Variants in ERCC3 observed in about 807,000 individuals in gnomAD.
The protein encoded by ERCC3 is general transcription and DNA repair factor IIH helicase/translocase subunit XPB.
In ERCC3, 66 loss-of-function variants were observed where a neutral mutation model predicts 94.2. The observed-to-expected ratio is 0.70, with a 90% CI of 0.57 to 0.86. The LOEUF (loss-of-function observed/expected upper bound fraction) is 0.86. Ranked by LOEUF, ERCC3 falls within the 40% of genes least tolerant of loss-of-function variation. The pLI is 0.00. For missense variants in ERCC3, 829 were observed against 987.1 expected, an observed-to-expected ratio of 0.84 and a Z score of 2.15; for synonymous variants, 349 against 369.1, an observed-to-expected ratio of 0.95 and a Z score of 0.63.
rs1389638645 is a variant in ERCC3, at chr2:127,280,691, A to G, written c.1343-60T>C. On this transcript the variant is annotated intron_variant, in intron 8 of 14. Transcript: ENST00000285398. This position sits in a 1 kb window ranked among gnomAD's most constrained non-coding sequence, Gnocchi z 6.3. ...TTTCTTTCTTATTTTTTATTTATTT[A>G]TTTTAAAATATTTTTTGTAGAGATG... 3.5e-6 allele frequency: 5 copies of G among 1,415,748 alleles called. No individual in the cohort carries two copies. In the African/African-American group the frequency reaches 7.2e-5, roughly 20 times the overall value. 87.7% of individuals were successfully genotyped at this position (1,415,748 alleles called of 1,614,324 possible).
In ERCC3 at chr2:127,289,368, T is replaced by C; in HGVS notation, c.791A>G (p.Glu264Gly). 1 of 1,593,772 alleles carries C rather than the reference T, an allele frequency of 6.3e-7. No individual in the cohort carries two copies. Among genetic ancestry groups the C allele is most frequent in the Non-Finnish European group, 8.6e-7 (1 of 1,163,464 alleles). Residue 264 changes from glutamate (E) to glycine (G), a missense_variant, in exon 6 of 15, where the codon GAG (glutamate) becomes GGG (glycine). Physicochemically the swap from Glu to Gly is moderately conservative, Grantham distance 98. Transcript: ENST00000285398. ...QMDKDEEEEE[E>G]TQTVSFEVKQ... ...GACTTCAAAAGACACTGTCTGTGTC[T>C]CTTCTTCTTCTTCTTCATCCTTGTC...
rs369771802 is a variant in ERCC3, at chr2:127,272,849, C to T, written c.1827+16G>A. The T allele has an allele frequency of 2.5e-6, 4 of 1,569,940 alleles. No individual in the cohort carries two copies. The highest frequency in any genetic ancestry group is 8.8e-7 in the Non-Finnish European group (1 of 1,139,978). ...AGTGCTAGGGGCCTCACCTCCACCC[C>T]ATATGCCACACAAACCTTGGATATG... is the stretch of plus-strand genomic sequence containing the variant. On this transcript the variant is annotated intron_variant, in intron 11 of 14. Transcript: ENST00000285398.
chr2:127,279,315 G>A lies in ERCC3; in HGVS notation c.1588C>T (p.Arg530Ter), dbSNP rs1302552127. 4 of 1,613,958 alleles carry A rather than the reference G, an allele frequency of 2.5e-6. No individual in the cohort carries two copies. Among genetic ancestry groups the A allele is most frequent in the South Asian group, 1.1e-5 (1 of 91,082 alleles). ...REYVAIKTKK[R>*]ILLYTMNPNK... ...GGGTTCATGGTGTACAGCAAGATTC[G>A]TTTCTTGGTTTTGATTGCCACATAT... is the stretch of plus-strand genomic sequence containing the variant. The change falls in exon 10 of 15, where the codon CGA (arginine) becomes TGA (stop). Residue 530 changes from arginine (R) to a stop codon, truncating the protein, a stop_gained. Coordinates refer to ENST00000285398, the MANE Select transcript of ERCC3 (RefSeq NM_000122.2). LOFTEE classifies it high-confidence loss of function. The surrounding 1 kb of genome is among the most constrained non-coding windows in gnomAD (Gnocchi z 4.7).
At chr2:127,287,133 A>G (rs540274942) in intron 7 of ERCC3, 116 bp from the exon 8 acceptor site, 267 of 774,136 alleles carry the variant, frequency 3.4e-4, no homozygotes, top group Non-Finnish European at 5.1e-4. Context: ...CAGTCCACAT[A>G]GCTGACATCT....
In ERCC3 at chr2:127,291,874, T is replaced by C. The variant is rs965805045; in HGVS notation, c.471+736A>G. ...CCTCATGGAACTTGTTGACTATTGG[T>C]CTCCTGCAGATACTTAGCTTTAGAC... On this transcript the variant is annotated intron_variant, in intron 3 of 14. Coordinates refer to ENST00000285398, the MANE Select transcript of ERCC3 (RefSeq NM_000122.2). This position sits in a 1 kb window ranked among gnomAD's most constrained non-coding sequence, Gnocchi z 4.9. 12 of 152,874 alleles carry C rather than the reference T, an allele frequency of 7.8e-5. No individual in the cohort carries two copies. The highest frequency in any genetic ancestry group is 2.7e-4 in the African/African-American group (11 of 41,458). The allele number at this position is 152,874 out of a possible 1,614,324, so 9.5% of individuals were successfully genotyped here.
Position 127,288,673 on chromosome 2 carries a change from A to T in ERCC3, c.1014T>A (p.Ile338=). ...GGTACCACTTACCGCAGGGAAGAAC[A>T]ATGACCCCCGAACGTGCACGCCCGT... ...FGNGRARSGV[I]VLPCGAGKSL... Residue 338 remains isoleucine, a synonymous_variant, in exon 7 of 15, where the codon ATT becomes ATA. Transcript: ENST00000285398. 1 of 1,614,090 alleles carries T rather than the reference A, an allele frequency of 6.2e-7. No individual in the cohort carries two copies. The highest frequency in any genetic ancestry group is 8.5e-7 in the Non-Finnish European group (1 of 1,179,958).
rs376892598 is a variant in ERCC3, at chr2:127,273,720, C to A, written c.1731-759G>T. On this transcript the variant is annotated intron_variant, in intron 10 of 14. Coordinates refer to ENST00000285398, the MANE Select transcript of ERCC3 (RefSeq NM_000122.2). The stretch of plus-strand genomic sequence containing the variant: ...GCCGAGATCGCGCCATTGCACTCCA[C>A]CCTGGGAAACAAGAGTGAAACTCTG... Among the ~76,000 whole-genome samples, 13 of 142,832 alleles carry A rather than the reference C, an allele frequency of 9.1e-5. No homozygotes were observed. The South Asian group carries it at 2.5e-3, about 27-fold the overall frequency. 93.7% of individuals were successfully genotyped at this position (142,832 alleles called of 152,430 possible).
rs1272534276 is a variant in ERCC3 at position 127,271,943 on chromosome 2, C to T, written c.1828-490G>A. On this transcript the variant is annotated intron_variant, in intron 11 of 14. Transcript: ENST00000285398. The surrounding 1 kb of genome is among the most constrained non-coding windows in gnomAD (Gnocchi z 5.0). ...CTGGGGCTCCAAACATCGAGGTTCC[C>T]AGCCACAGACATGAAGGTTTGGTGC... 2.0e-5 allele frequency among the ~76,000 whole-genome samples: 3 copies of T among 151,772 alleles called. No individual in the cohort carries two copies. The highest frequency in any genetic ancestry group is 7.3e-5 in the African/African-American group (3 of 41,278).
At position 127,279,090 on chromosome 2, in the gene ERCC3, A is replaced by G. The variant is rs1684826548; in HGVS notation, c.1730+83T>C. 1 of 968,174 alleles carries G rather than the reference A, an allele frequency of 1.0e-6. No homozygotes were observed. Among genetic ancestry groups the G allele is most frequent in the African/African-American group, 1.6e-5 (1 of 61,770 alleles). The allele number at this position is 968,174 out of a possible 1,614,324, so 60.0% of individuals were successfully genotyped here. ...AAGAAGTTCCTGAGAGAAAAACAAA[A>G]AAACAAAACAACAGCCACCTTCTGC... On this transcript the variant is annotated intron_variant, in intron 10 of 14. Transcript: ENST00000285398. The surrounding 1 kb of genome is among the most constrained non-coding windows in gnomAD (Gnocchi z 4.7).
At chr2:127,269,448 G>C (rs1684481014) in intron 12 of ERCC3, among the ~76,000 whole-genome samples, 1 of 137,836 alleles carries the variant, frequency 7.3e-6, no homozygotes, top group South Asian at 2.3e-4. Context: ...TTGAGATGGA[G>C]TCTTGCTCTG....
rs1174202345 is a variant in ERCC3 at position 127,277,487 on chromosome 2, C to T, written c.1730+1686G>A. Among the ~76,000 whole-genome samples, 1 of 152,032 alleles carries T rather than the reference C, an allele frequency of 6.6e-6. No individual in the cohort carries two copies. Among genetic ancestry groups the T allele is most frequent in the East Asian group, 1.9e-4 (1 of 5,164 alleles). Reference sequence around the variant, plus strand: ...CAGGCAGATCACGAGGTCAAGAGATCGAGACCATCCTGGCCAATATGGTGA... The same window carrying T: ...CAGGCAGATCACGAGGTCAAGAGATTGAGACCATCCTGGCCAATATGGTGA... On this transcript the variant is annotated intron_variant, in intron 10 of 14. Coordinates refer to ENST00000285398, the MANE Select transcript of ERCC3 (RefSeq NM_000122.2). This position sits in a 1 kb window ranked among gnomAD's most constrained non-coding sequence, Gnocchi z 5.1.
Position 127,292,797 on chromosome 2 carries a change from T to C in ERCC3, c.284A>G (p.Tyr95Cys). The C allele has an allele frequency of 1.2e-6, 2 of 1,613,902 alleles. No homozygotes were observed. Among genetic ancestry groups the C allele is most frequent in the Non-Finnish European group, 8.5e-7 (1 of 1,180,002 alleles). The change falls in exon 3 of 15, where the codon TAT becomes TGT. Residue 95 changes from tyrosine to cysteine, a missense_variant. Physicochemically the swap from Tyr to Cys is radical, Grantham distance 194. Coordinates refer to ENST00000285398, the MANE Select transcript of ERCC3 (RefSeq NM_000122.2). ...FLEAFSPVYK[Y>C]AQDFLVAIAE... ...AATAGCCACCAAGAAGTCTTGGGCA[T>C]ATTTGTAAACTGGAGAGAAGGCTTC...
chr2:127,280,920 A>C lies in ERCC3; in HGVS notation c.1343-289T>G, dbSNP rs1299889941. The C allele has an allele frequency of 1.6e-5, 8 of 508,238 alleles. No homozygotes were observed. The highest frequency in any genetic ancestry group is 1.4e-4 in the African/African-American group (7 of 51,814). The allele number at this position is 508,238 out of a possible 1,614,324, so 31.5% of individuals were successfully genotyped here. On this transcript the variant is annotated intron_variant, in intron 8 of 14. Transcript: ENST00000285398. The surrounding 1 kb of genome is among the most constrained non-coding windows in gnomAD (Gnocchi z 6.3). ...AACCCTTGGGTTTCAGGACCACAGA[A>C]GCTGGCTCTAGACAAGAATGACTAG...
chr2:127,279,344 C>T lies in ERCC3; in HGVS notation c.1559G>A (p.Arg520Gln), dbSNP rs1034515602. Residue 520 changes from arginine (R) to glutamine (Q), a missense_variant, in exon 10 of 15, where the codon CGG becomes CAG. Physicochemically the swap from Arg to Gln is conservative, Grantham distance 43. Transcript: ENST00000285398. This position sits in a 1 kb window ranked among gnomAD's most constrained non-coding sequence, Gnocchi z 4.7. ...CTTGGTTTTGATTGCCACATATTCC[C>T]GGTAAAATTCAGGAGACATAGGGCA... The part of the protein sequence containing the change: ...VWCPMSPEFY[R>Q]EYVAIKTKKR... 5 of 1,613,940 alleles carry T rather than the reference C, an allele frequency of 3.1e-6. No homozygotes were observed. Among genetic ancestry groups the T allele is most frequent in the Non-Finnish European group, 3.4e-6 (4 of 1,179,966 alleles).
rs960795378 is a variant in ERCC3 at position 127,261,044 on chromosome 2, G to A, written c.2064+184C>T. ...CATGGCACCTCAGTCCTGCCAGGAC[G>A]GCACACTTTCCACCAACAGCTGCCC... On this transcript the variant is annotated intron_variant, in intron 13 of 14. Coordinates refer to ENST00000285398, the MANE Select transcript of ERCC3 (RefSeq NM_000122.2). 3.3e-5 allele frequency: 21 copies of A among 638,514 alleles called. 1 individual carries two copies. The Admixed American group carries it at 3.6e-4, about 11-fold the overall frequency. The allele number at this position is 638,514 out of a possible 1,614,324, so 39.6% of individuals were successfully genotyped here.
At chr2:127,268,446 A>G (rs922029176) in intron 12 of ERCC3, among the ~76,000 whole-genome samples, 2 of 151,734 alleles carry the variant, frequency 1.3e-5, no homozygotes, top group African/African-American at 4.9e-5. Context: ...TATTTTTTGT[A>G]GGAACAGGGT....
rs1350655370 is a variant in ERCC3, at chr2:127,271,148, C to A, written c.1945+188G>T. Reference sequence around the variant, plus strand: ...GTGACACTGTCATGGAAAACACCTGCATATTCACCCCCAAGGTATGAGAAA... The same window carrying A: ...GTGACACTGTCATGGAAAACACCTGAATATTCACCCCCAAGGTATGAGAAA... On this transcript the variant is annotated intron_variant, in intron 12 of 14. Transcript: ENST00000285398. This position sits in a 1 kb window ranked among gnomAD's most constrained non-coding sequence, Gnocchi z 5.0. Among the ~76,000 whole-genome samples, 1 of 152,194 alleles carries A rather than the reference C, an allele frequency of 6.6e-6. No individual in the cohort carries two copies.
rs1188708904 is a variant in ERCC3, at chr2:127,289,478, ACTG to A, written c.678_680del (p.Ser227del). 1.9e-6 allele frequency: 3 copies of A among 1,612,640 alleles called. No homozygotes were observed. Among genetic ancestry groups the A allele is most frequent in the Admixed American group, 1.7e-5 (1 of 60,022 alleles). Reference sequence around the variant, plus strand: ...TCACTCGGGAAGTGGAGGGCCCACCACTGCTTTCAGCAGTCTTAGAAATCTGTG... The same window carrying A: ...TCACTCGGGAAGTGGAGGGCCCACCACTTTCAGCAGTCTTAGAAATCTGTG... On this transcript the variant is annotated inframe_deletion, in exon 6 of 15. Transcript: ENST00000285398.
intron 12 of ERCC3, among the ~76,000 whole-genome samples, chr2:127,267,083 G>C (rs1684399112): frequency 1.3e-5 from 2 of 152,216 alleles, no homozygotes; most frequent in Admixed American, 6.5e-5. Flanking sequence ...TTGTTGCGTA[G>C]AGAATTATGT....
Sources: allele counts gnomAD v4.1 joint callset (sites outside exome capture counted in the v4.1 genomes callset), GRCh38; gene constraint gnomAD v4.1.1; non-coding constraint Gnocchi (gnomAD v3.1); transcripts MANE v1.5; gene names NCBI Gene and HGNC (gene_info 2026-07-23, HGNC 2026-07-21).